The following SMIM8 variants were observed in gnomAD, a reference collection of about 807,000 sequenced individuals.
The protein encoded by SMIM8 is UPF0708 protein C6orf162.
In SMIM8, 8 loss-of-function variants were observed where a neutral mutation model predicts 8.1. The observed-to-expected ratio is 0.99, with a 90% CI of 0.58 to 1.78. The LOEUF is 1.78. Ranked by LOEUF, SMIM8 falls within the 40% of genes most tolerant of loss-of-function variation. The pLI is 0.00. For missense variants in SMIM8, 126 were observed against 119.8 expected (o/e 1.05, Z -0.24); for synonymous variants, 45 against 39.7 (o/e 1.13, Z -0.50).
chr6:87,330,022 C>T (rs921004590), intron 1 of SMIM8, among the ~76,000 whole-genome samples: 1 of 152,190 alleles, frequency 6.6e-6, no homozygotes, highest in Non-Finnish European at 1.5e-5. Context: ...TAAAGACACA[C>T]AGCTTATAAG....
Position 87,341,150 on chromosome 6 carries a change from A to G in SMIM8, c.*876A>G. On this transcript the variant is annotated 3_prime_UTR_variant, in exon 4 of 4. Coordinates refer to ENST00000392863, the MANE Select transcript of SMIM8 (RefSeq NM_001042493.3). ...ACTACTCAATGGATAAGGAATAGATAAGGTCTCCTTATTGTACCTTTTTTT... is the reference window on the plus strand; with the variant it reads ...ACTACTCAATGGATAAGGAATAGATGAGGTCTCCTTATTGTACCTTTTTTT... The G allele has an allele frequency of 2.5e-6, 1 of 396,854 alleles. No individual in the cohort carries two copies. 24.6% of individuals were successfully genotyped at this position (396,854 alleles called of 1,614,324 possible). A position where few individuals can be genotyped will look rare whatever the true frequency, so the allele number is the denominator to read the frequency against.
intron 2 of SMIM8, among the ~76,000 whole-genome samples, chr6:87,333,157 G>T (rs150218119): frequency 2.0e-4 from 30 of 152,320 alleles, no homozygotes; most frequent in African/African-American, 7.2e-4. Context: ...TCTGGCATGT[G>T]CAGAGATCAC....
At position 87,341,001 on chromosome 6, in the gene SMIM8, T is replaced by C. The variant is rs929331688; in HGVS notation, c.*727T>C. On this transcript the variant is annotated 3_prime_UTR_variant, in exon 4 of 4. Coordinates refer to ENST00000392863, the MANE Select transcript of SMIM8 (RefSeq NM_001042493.3). ...TGATTTTGACTACAACTAAATGTTA[T>C]CTATTTTAGTGTTTATGTTAATTAA... The C allele has an allele frequency of 3.4e-5, 10 of 294,148 alleles. No individual in the cohort carries two copies. Among genetic ancestry groups the C allele is most frequent in the Non-Finnish European group, 6.2e-5 (10 of 161,738 alleles). The allele number at this position is 294,148 out of a possible 1,614,324, so 18.2% of individuals were successfully genotyped here. A position where few individuals can be genotyped will look rare whatever the true frequency, so the allele number is the denominator to read the frequency against.
At chr6:87,332,706 C>T (rs984962463) in intron 2 of SMIM8, among the ~76,000 whole-genome samples, 1 of 152,180 alleles carries the variant, frequency 6.6e-6, no homozygotes, top group Non-Finnish European at 1.5e-5. Context: ...ACTTCTATAC[C>T]CATCTTTTCC....
At chr6:87,336,304 A>G (rs1654799857) in intron 2 of SMIM8, among the ~76,000 whole-genome samples, 1 of 152,222 alleles carries the variant, frequency 6.6e-6, no homozygotes, top group African/African-American at 2.4e-5. Context: ...CAAAGTGCTG[A>G]CATTTCAGCT....
intron 1 of SMIM8, among the ~76,000 whole-genome samples, chr6:87,328,909 G>A (rs1257883659): frequency 2.6e-5 from 4 of 152,210 alleles, no homozygotes; most frequent in East Asian, 3.9e-4. Context: ...GCCAGACTCC[G>A]TGGGCGTAGG....
At chr6:87,328,957 C>T (rs942750484) in intron 1 of SMIM8, among the ~76,000 whole-genome samples, 2 of 152,162 alleles carry the variant, frequency 1.3e-5, no homozygotes, top group Admixed American at 6.5e-5. Context: ...TCTCGTGGTG[C>T]GCCATTTTTT....
chr6:87,323,378 C>G (rs889577271), intron 1 of SMIM8, among the ~76,000 whole-genome samples: 1 of 152,104 alleles, frequency 6.6e-6, no homozygotes, highest in African/African-American at 2.4e-5. Flanking sequence ...CACCCACCAA[C>G]TGGACATCTA....
At chr6:87,329,683 T>G (rs1776945981) in intron 1 of SMIM8, among the ~76,000 whole-genome samples, 1 of 152,220 alleles carries the variant, frequency 6.6e-6, no homozygotes, top group South Asian at 2.1e-4. Context: ...TTTTTTTTCT[T>G]AAATATTGTA....
intron 1 of SMIM8, among the ~76,000 whole-genome samples, chr6:87,324,020 G>T (rs1448128114): frequency 1.3e-5 from 2 of 150,088 alleles, no homozygotes; most frequent in African/African-American, 2.5e-5. Flanking sequence ...TTCTCTGATG[G>T]CCAGTGATGG....
intron 1 of SMIM8, among the ~76,000 whole-genome samples, chr6:87,325,947 T>C (rs183844279): frequency 1.8e-3 from 272 of 152,364 alleles, no homozygotes; most frequent in Non-Finnish European, 3.1e-3. Flanking sequence ...TTTCAGCTCC[T>C]GTTATTGGTC....
At chr6:87,328,265 C>T (rs575467201) in intron 1 of SMIM8, among the ~76,000 whole-genome samples, 1 of 151,756 alleles carries the variant, frequency 6.6e-6, no homozygotes, top group South Asian at 2.1e-4. Context: ...CAAAGTCATT[C>T]TCCGTCCAAC....
At chr6:87,323,447 T>C (rs1776723841) in intron 1 of SMIM8, among the ~76,000 whole-genome samples, 1 of 104,008 alleles carries the variant, frequency 9.6e-6, no homozygotes, top group Admixed American at 1.5e-4. Context: ...ACAACAGACC[T>C]CAGAGTGTGA....
At chr6:87,335,847 A>G (rs1777103674) in intron 2 of SMIM8, among the ~76,000 whole-genome samples, 3 of 56,052 alleles carry the variant, frequency 5.4e-5, no homozygotes, top group African/African-American at 1.6e-4. Flanking sequence ...GTCCCTACCA[A>G]AAAAAAAAAA....
intron 1 of SMIM8, among the ~76,000 whole-genome samples, chr6:87,325,018 T>C (rs1241005312): frequency 6.6e-6 from 1 of 151,978 alleles, no homozygotes; most frequent in African/African-American, 2.4e-5. Flanking sequence ...AGGTATTTTA[T>C]TCTCTTTGAA....
At chr6:87,336,476 T>TG (rs1777115793) in intron 2 of SMIM8, among the ~76,000 whole-genome samples, 1 of 152,170 alleles carries the variant, frequency 6.6e-6, no homozygotes, top group Non-Finnish European at 1.5e-5. Flanking sequence ...TCCTTATCCT[T>TG]ACTGCTTGGG....
Position 87,341,222 on chromosome 6 carries a change from T to A in SMIM8, c.*948T>A. The A allele has an allele frequency of 5.0e-6, 2 of 398,554 alleles. No individual in the cohort carries two copies. The highest frequency in any genetic ancestry group is 8.8e-6 in the Non-Finnish European group (2 of 226,008). The allele number at this position is 398,554 out of a possible 1,614,324, so 24.7% of individuals were successfully genotyped here. ...GCAGGCCTTTTTGTTTTTTTCCTTT[T>A]CAGAATGTTTCTTATTCTCTGAAGC... On this transcript the variant is annotated 3_prime_UTR_variant, in exon 4 of 4. Coordinates refer to ENST00000392863, the MANE Select transcript of SMIM8 (RefSeq NM_001042493.3).
chr6:87,341,643 T>C lies in SMIM8; in HGVS notation c.*1369T>C, dbSNP rs375980420. The C allele has an allele frequency of 3.0e-5, 6 of 203,096 alleles. No individual in the cohort carries two copies. In the East Asian group the frequency reaches 4.4e-4, roughly 15 times the overall value. The allele number at this position is 203,096 out of a possible 1,614,324, so 12.6% of individuals were successfully genotyped here. ...ATGTTATTTTTAATTTGTCATACTT[T>C]ATTATGGTTTTGTAAGGTACATGAA... On this transcript the variant is annotated 3_prime_UTR_variant, in exon 4 of 4. Coordinates refer to ENST00000392863, the MANE Select transcript of SMIM8 (RefSeq NM_001042493.3).
intron 2 of SMIM8, among the ~76,000 whole-genome samples, chr6:87,336,274 C>G (rs1479562950): frequency 1.3e-5 from 2 of 152,036 alleles, no homozygotes; most frequent in African/African-American, 4.8e-5. Context: ...CTAATAATAC[C>G]TAGAAGAGAA....
Sources: allele counts gnomAD v4.1 joint callset (sites outside exome capture counted in the v4.1 genomes callset), GRCh38; gene constraint gnomAD v4.1.1; transcripts MANE v1.5; gene names NCBI Gene and HGNC (gene_info 2026-07-23, HGNC 2026-07-21).